AKAP13: variants seen among roughly 807,000 people sequenced by gnomAD.
AKAP13 encodes the protein A-kinase anchoring protein 13.
AKAP13 carries 80 observed loss-of-function variants against 264.5 expected under a neutral mutation model. The ratio of observed to expected loss-of-function variants is 0.30; its 90% CI spans 0.25 to 0.36. AKAP13 has a LOEUF of 0.36. Ranked by LOEUF, AKAP13 falls within the 10% of genes least tolerant of loss-of-function variation. The pLI is 1.00. For missense variants in AKAP13, 3,712 were observed against 3,435.2 expected (o/e 1.08, Z -2.01); for synonymous variants, 1,380 against 1,250.2 (o/e 1.10, Z -2.19).
At chr15:85,528,859 C>T (rs2077164069) in intron 3 of AKAP13, among the ~76,000 whole-genome samples, 5 of 152,186 alleles carry the variant, frequency 3.3e-5, no homozygotes, top group Admixed American at 3.3e-4. Context: ...TCCTTCCCCT[C>T]TCTAAATCCT....
intron 1 of AKAP13, among the ~76,000 whole-genome samples, chr15:85,420,582 G>A (rs1295667501): frequency 2.0e-5 from 3 of 152,090 alleles, no homozygotes; most frequent in South Asian, 4.2e-4. Flanking sequence ...ACCCTAATTG[G>A]GATTAGGAGG....
chr15:85,461,291 T>A (rs1376769807), intron 1 of AKAP13, among the ~76,000 whole-genome samples: 24 of 152,090 alleles, frequency 1.6e-4, no homozygotes, highest in Admixed American at 1.6e-3. Flanking sequence ...AATTTTTGTA[T>A]TTTTAGTAGA....
intron 1 of AKAP13, among the ~76,000 whole-genome samples, chr15:85,460,382 T>C (rs2074463049): frequency 6.6e-6 from 1 of 152,218 alleles, no homozygotes; most frequent in South Asian, 2.1e-4. Flanking sequence ...TGTAATGCGT[T>C]CTTAGAAGAT....
chr15:85,481,784 G>C (rs560290465), intron 1 of AKAP13, among the ~76,000 whole-genome samples: 2 of 152,306 alleles, frequency 1.3e-5, no homozygotes, highest in Admixed American at 1.3e-4. Context: ...CACTGTGTCT[G>C]TCATGTATTG....
chr15:85,581,837 G>A lies in AKAP13; in HGVS notation c.3769G>A (p.Asp1257Asn), dbSNP rs2079146596. The A allele has an allele frequency of 1.2e-6, 2 of 1,614,094 alleles. No homozygotes were observed. The highest frequency in any genetic ancestry group is 1.3e-5 in the African/African-American group (1 of 74,944). The change falls in exon 7 of 37, where the codon GAT (aspartate) becomes AAT (asparagine). Residue 1257 changes from aspartate to asparagine, a missense_variant. Asp to Asn is a conservative substitution (Grantham distance 23, BLOSUM62 1). Transcript: ENST00000394518. ...AGAGGAGGCTGCCAGCCGTATAGTG[G>A]ATGCTGTCATCGAACAAGTCAAGGC... ...LIEEAASRIV[D>N]AVIEQVKAAG...
At chr15:85,389,128 C>T (rs2070732220) in intron 1 of AKAP13, among the ~76,000 whole-genome samples, 1 of 152,056 alleles carries the variant, frequency 6.6e-6, no homozygotes, top group Non-Finnish European at 1.5e-5. Context: ...TTTGCGTGCC[C>T]TCATGTATTT....
At chr15:85,398,069 T>C (rs2071206514) in intron 1 of AKAP13, among the ~76,000 whole-genome samples, 1 of 152,200 alleles carries the variant, frequency 6.6e-6, no homozygotes, top group Non-Finnish European at 1.5e-5. Flanking sequence ...GCTGAGTTCA[T>C]ACTTGAACAT....
intron 17 of AKAP13, 151 bp from the exon 18 acceptor site, chr15:85,707,868 G>A (rs1356189729): frequency 1.6e-6 from 1 of 636,768 alleles, no homozygotes; most frequent in Non-Finnish European, 2.7e-6. Flanking sequence ...CTGCTTCCTA[G>A]AAGAGGACTG....
intron 5 of AKAP13, among the ~76,000 whole-genome samples, chr15:85,554,328 C>G (rs1379745757): frequency 1.3e-5 from 2 of 152,120 alleles, no homozygotes; most frequent in Non-Finnish European, 2.9e-5. Context: ...TTAGATATCT[C>G]TTTATTTGGA....
At position 85,430,194 on chromosome 15, in the gene AKAP13, A is replaced by G. The variant is rs188992629; in HGVS notation, c.-12+49396A>G. 1.4e-4 allele frequency among the ~76,000 whole-genome samples: 21 copies of G among 152,368 alleles called. No homozygotes were observed. The East Asian group carries it at 3.5e-3, about 25-fold the overall frequency. On this transcript the variant is annotated intron_variant, in intron 1 of 36. Coordinates refer to ENST00000394518, the MANE Select transcript of AKAP13 (RefSeq NM_007200.5). ...AAATCTGTATTTTGGAGGCACACTG[A>G]GGTAAAGTTTACCCTTAATAAGGGC...
intron 9 of AKAP13, among the ~76,000 whole-genome samples, chr15:85,642,877 C>T (rs1026384846): frequency 2.0e-5 from 3 of 152,186 alleles, no homozygotes; most frequent in African/African-American, 4.8e-5. Flanking sequence ...GTTGCTGTGA[C>T]AGCCCTTTCT....
intron 1 of AKAP13, among the ~76,000 whole-genome samples, chr15:85,470,304 A>T (rs1164648593): frequency 6.6e-6 from 1 of 152,084 alleles, no homozygotes; most frequent in Admixed American, 6.5e-5. Flanking sequence ...AACCAAACCA[A>T]ACCAAACCAA....
intron 23 of AKAP13, 112 bp downstream of exon 23, chr15:85,719,438 C>A: frequency 7.3e-7 from 1 of 1,366,538 alleles, no homozygotes; most frequent in Non-Finnish European, 9.9e-7. Flanking sequence ...TCTGTGTAAG[C>A]TCAGGGAACT....
chr15:85,539,859 A>G (rs1026477086), intron 4 of AKAP13, among the ~76,000 whole-genome samples: 1 of 152,206 alleles, frequency 6.6e-6, no homozygotes, highest in South Asian at 2.1e-4. Flanking sequence ...AAAAGGGAAA[A>G]GTATCATAAG....
intron 8 of AKAP13, among the ~76,000 whole-genome samples, chr15:85,638,477 T>C (rs1045882175): frequency 5.3e-5 from 8 of 152,190 alleles, no homozygotes; most frequent in African/African-American, 1.9e-4. Context: ...TGTTCTATAT[T>C]GTGTTAGCTC....
intron 36 of AKAP13, chr15:85,744,191 G>A: frequency 6.6e-6 from 2 of 303,162 alleles, no homozygotes; most frequent in Non-Finnish European, 1.2e-5. Context: ...ACTGTATGAA[G>A]TTGGCACTGC....
intron 2 of AKAP13, among the ~76,000 whole-genome samples, chr15:85,496,454 G>A (rs1247624703): frequency 6.6e-6 from 1 of 152,076 alleles, no homozygotes; most frequent in East Asian, 1.9e-4. Flanking sequence ...AGGAGGAGGA[G>A]GTTTTAAAAT....
chr15:85,541,516 TG>T (rs1237989666), intron 4 of AKAP13, among the ~76,000 whole-genome samples: 3 of 152,234 alleles, frequency 2.0e-5, no homozygotes, highest in Admixed American at 6.5e-5. Flanking sequence ...CTTGCTTGTA[TG>T]ATTGCTTGTT....
At chr15:85,546,951 T>G (rs963822377) in intron 5 of AKAP13, among the ~76,000 whole-genome samples, 1 of 151,862 alleles carries the variant, frequency 6.6e-6, no homozygotes, top group Admixed American at 6.6e-5. Context: ...ACCATGTTGG[T>G]CAGGCTGGTC....
Sources: gnomAD v4.1 joint callset for allele counts (sites outside exome capture counted in the v4.1 genomes callset) on GRCh38, gnomAD v4.1.1 for gene constraint, MANE v1.5 for transcripts, NCBI Gene and HGNC (gene_info 2026-07-23, HGNC 2026-07-21) for gene names.